Variants in BZW1 observed in about 807,000 individuals in gnomAD.
BZW1 encodes eIF5-mimic protein 2.
BZW1 carries 3 observed loss-of-function variants against 54.1 expected under a neutral mutation model. That is an observed-to-expected ratio of 0.06 (90% CI 0.03 to 0.14). The LOEUF (loss-of-function observed/expected upper bound fraction) is 0.14. BZW1 is among the 10% of genes least tolerant of loss of function. The pLI is 1.00. For synonymous variants in BZW1, 152 were observed against 162.7 expected (o/e 0.93, Z 0.50); for missense variants, 206 against 491.7 (o/e 0.42, Z 5.50).
chr2:200,815,585 T>G, intron 3 of BZW1, 68 bp downstream of exon 3: 1 of 1,599,356 alleles, frequency 6.3e-7, no homozygotes, highest in Non-Finnish European at 8.5e-7. Flanking sequence ...ATGGAGAGTC[T>G]AGAATATGAA....
At chr2:200,822,033 C>T in intron 11 of BZW1, 114 bp from the exon 12 acceptor site, 3 of 954,304 alleles carry the variant, frequency 3.1e-6, no homozygotes, top group Non-Finnish European at 4.9e-6. Context: ...GGTGCTGCTG[C>T]ATTCCGGCCT....
intron 1 of BZW1, chr2:200,812,799 T>A (rs2038134957): frequency 2.9e-6 from 2 of 691,272 alleles, no homozygotes; most frequent in Non-Finnish European, 5.4e-6. Context: ...GACAGTGTTT[T>A]AGAATTGGCA....
chr2:200,823,239 G>A lies in BZW1; in HGVS notation c.*1061G>A, dbSNP rs2038585002. 1.8e-5 allele frequency: 3 copies of A among 165,398 alleles called. No individual in the cohort carries two copies. In the South Asian group the frequency reaches 6.2e-4, roughly 34 times the overall value. The allele number at this position is 165,398 out of a possible 1,614,324, so 10.2% of individuals were successfully genotyped here. A position where few individuals can be genotyped will look rare whatever the true frequency, so the allele number is the denominator to read the frequency against. ...TATATATTCCTACTCGGTCATACTGGACTGGCTTCGTTCTCTTAATATACT... is the reference window on the plus strand; with the variant it reads ...TATATATTCCTACTCGGTCATACTGAACTGGCTTCGTTCTCTTAATATACT... On this transcript the variant is annotated 3_prime_UTR_variant, in exon 12 of 12. Transcript: ENST00000409600.
chr2:200,818,733 C>T, intron 8 of BZW1, 22 bp from the exon 9 acceptor site: 1 of 1,570,738 alleles, frequency 6.4e-7, no homozygotes, highest in Non-Finnish European at 8.6e-7. Flanking sequence ...ACTTCTGTTA[C>T]TAAATTTGGA....
rs1011415758 is a variant in BZW1 at position 200,822,255 on chromosome 2, C to A, written c.*77C>A. ...CATGTCTCATGTGTCCTGGTTCTTA[C>A]ATCTTCCTACCTCCCTGTATCAAGC... is the stretch of plus-strand genomic sequence containing the variant. On this transcript the variant is annotated 3_prime_UTR_variant, in exon 12 of 12. Transcript: ENST00000409600. 5.6e-6 allele frequency: 7 copies of A among 1,256,784 alleles called. No individual in the cohort carries two copies. The African/African-American group carries it at 9.1e-5, about 16-fold the overall frequency. 77.9% of individuals were successfully genotyped at this position (1,256,784 alleles called of 1,614,324 possible).
At chr2:200,815,593 G>GTA in intron 3 of BZW1, 74 bp from the exon 4 acceptor site, 1 of 1,595,460 alleles carries the variant, frequency 6.3e-7, no homozygotes, top group Non-Finnish European at 8.5e-7. Flanking sequence ...TCTAGAATAT[G>GTA]AACTATTTGG....
intron 2 of BZW1, 98 bp from the exon 3 acceptor site, chr2:200,815,243 C>A: frequency 5.7e-6 from 7 of 1,238,676 alleles, no homozygotes; most frequent in East Asian, 2.5e-5. Flanking sequence ...TGAATTTAAT[C>A]TAACTTATTT....
rs1021232764 is a variant in BZW1, at chr2:200,820,080, C to A, written c.1065C>A (p.Phe355Leu). The A allele has an allele frequency of 1.9e-5, 30 of 1,556,246 alleles. No individual in the cohort carries two copies. Among genetic ancestry groups the A allele is most frequent in the Non-Finnish European group, 2.4e-5 (28 of 1,149,794 alleles). ...AGTATTGCTATGACAACATTCATTT[C>A]ATGAAAGCCTTCCAGAAAATAGTGG... ...IQEYCYDNIH[F>L]MKAFQKIVVL... The change falls in exon 10 of 12, where the codon TTC becomes TTA. Residue 355 changes from phenylalanine to leucine, a missense_variant. Transcript: ENST00000409600.
At chr2:200,813,449 T>C (rs1265014199) in intron 2 of BZW1, 168 bp downstream of exon 2, 2 of 590,648 alleles carry the variant, frequency 3.4e-6, no homozygotes, top group Non-Finnish European at 5.9e-6. Context: ...ATATTTCTAC[T>C]GCTTTACTGC....
intron 1 of BZW1, 144 bp from the exon 2 acceptor site, chr2:200,813,064 C>A: frequency 1.4e-6 from 1 of 706,524 alleles, no homozygotes; most frequent in Non-Finnish European, 2.6e-6. Context: ...ATTCTTTGTG[C>A]CTGTATCGGG....
chr2:200,821,042 A>G, intron 10 of BZW1, 141 bp from the exon 11 acceptor site: 1 of 1,009,208 alleles, frequency 9.9e-7, no homozygotes, highest in Non-Finnish European at 1.5e-6. Context: ...GCGCACATGT[A>G]TTATTATCTT....
At position 200,815,431 on chromosome 2, in the gene BZW1, A is replaced by G. The variant is rs763170670; in HGVS notation, c.155A>G (p.Lys52Arg). ...ETGTDLEAVA[K>R]FLDASGAKLD... is the part of the protein sequence containing the mutation. Reference sequence around the variant, plus strand: ...GGTACTGATTTGGAAGCAGTAGCTAAGTTTCTTGATGCTTCTGGAGCAAAA... The same window carrying G: ...GGTACTGATTTGGAAGCAGTAGCTAGGTTTCTTGATGCTTCTGGAGCAAAA... The change falls in exon 3 of 12, where the codon AAG becomes AGG. Residue 52 changes from lysine (K) to arginine (R), a missense_variant. By Grantham distance (26) the Lys-to-Arg change is conservative (BLOSUM62 2). Coordinates refer to ENST00000409600, the MANE Select transcript of BZW1 (RefSeq NM_001207067.2). 6.2e-7 allele frequency: 1 copy of G among 1,614,044 alleles called. No individual in the cohort carries two copies. The highest frequency in any genetic ancestry group is 1.1e-5 in the South Asian group (1 of 91,084).
At chr2:200,812,203 C>T in intron 1 of BZW1, 1 of 1,223,876 alleles carries the variant, frequency 8.2e-7, no homozygotes, top group Non-Finnish European at 1.0e-6. Context: ...GAGGTGGGGT[C>T]CGGGTGTGCG....
chr2:200,818,792 A>G lies in BZW1; in HGVS notation c.857A>G (p.Asn286Ser). The G allele has an allele frequency of 6.9e-6, 11 of 1,588,062 alleles. 1 individual carries two copies. The Middle Eastern group carries it at 6.9e-4, about 100-fold the overall frequency. The change falls in exon 9 of 12, where the codon AAC becomes AGC. Residue 286 changes from asparagine (N) to serine (S), a missense_variant. Asn to Ser is a conservative substitution (Grantham distance 46). This residue lies in a region of BZW1 where 31 missense variants were observed against 29.1 expected (regional missense o/e 1.07). Coordinates refer to ENST00000409600, the MANE Select transcript of BZW1 (RefSeq NM_001207067.2). The part of the protein sequence containing the change: ...LYVKEEMKKN[N>S]IPEPVVIGIV... The stretch of plus-strand genomic sequence containing the variant: ...GTCAAGGAGGAGATGAAAAAAAACA[A>G]CATCCCAGAGCCAGTTGTCATCGGA...
intron 1 of BZW1, 25 bp downstream of exon 1, chr2:200,812,015 C>G (rs1487544502): frequency 2.6e-6 from 1 of 387,886 alleles, no homozygotes; most frequent in Non-Finnish European, 4.5e-6. Flanking sequence ...CCCGCTCACC[C>G]CGGGCGGACG....
intron 1 of BZW1, 27 bp downstream of exon 1, chr2:200,812,017 G>A (rs982190780): frequency 1.8e-5 from 7 of 388,002 alleles, no homozygotes; most frequent in African/African-American, 1.2e-4. Flanking sequence ...CGCTCACCCC[G>A]GGCGGACGCT....
chr2:200,812,789 G>C lies in BZW1; in HGVS notation c.-10-419G>C, dbSNP rs576418986. ...TGTCAGAAGAAGGGGTTCACCTTTT[G>C]ACAGTGTTTTAGAATTGGCATACAC... On this transcript the variant is annotated intron_variant, in intron 1 of 11. Coordinates refer to ENST00000409600, the MANE Select transcript of BZW1 (RefSeq NM_001207067.2). The C allele has an allele frequency of 7.4e-5, 52 of 700,294 alleles. No homozygotes were observed. In the Admixed American group the frequency reaches 7.5e-4, roughly 10 times the overall value. 43.4% of individuals were successfully genotyped at this position (700,294 alleles called of 1,614,324 possible). A position where few individuals can be genotyped will look rare whatever the true frequency, so the allele number is the denominator to read the frequency against.
chr2:200,813,271 T>C lies in BZW1; in HGVS notation c.54T>C (p.Thr18=), dbSNP rs753276066. ...KPTLSGQRFK[T]RKRDEKERFD... ...CGCTATCAGGCCAGCGTTTTAAAACTAGAAAAAGAGGTAAATATTTACGTT... is the reference window on the plus strand; with the variant it reads ...CGCTATCAGGCCAGCGTTTTAAAACCAGAAAAAGAGGTAAATATTTACGTT... Residue 18 remains threonine, a synonymous_variant, in exon 2 of 12, where the codon ACT becomes ACC. Transcript: ENST00000409600. The C allele has an allele frequency of 2.5e-6, 4 of 1,612,620 alleles. No homozygotes were observed. In the East Asian group the frequency reaches 8.9e-5, roughly 36 times the overall value.
chr2:200,811,868 G>T (rs770348356), upstream of BZW1: 19 of 184,976 alleles, frequency 1.0e-4, no homozygotes, highest in Non-Finnish European at 1.8e-4. Context: ...CGATAGGAGA[G>T]CGGTCCGGGC....
Sources: allele counts gnomAD v4.1 joint callset, GRCh38; gene constraint gnomAD v4.1.1; regional missense constraint gnomAD v4.1.1; transcripts MANE v1.5; gene names NCBI Gene and HGNC (gene_info 2026-07-23, HGNC 2026-07-21).